VSTM4: variants seen among roughly 807,000 people sequenced by gnomAD.
VSTM4 encodes the protein V-set and transmembrane domain containing 4.
Under a neutral mutation model 36.4 loss-of-function variants are expected in VSTM4, and 20 were observed. That is an observed-to-expected ratio of 0.55 (90% CI 0.39 to 0.80). The LOEUF (loss-of-function observed/expected upper bound fraction) is 0.80, where lower values mean the gene tolerates loss of function less well. Ranked by LOEUF, VSTM4 falls within the 30% of genes least tolerant of loss-of-function variation. The pLI is 0.00. For synonymous variants in VSTM4, 182 were observed against 173.9 expected, an observed-to-expected ratio of 1.05 and a Z score of -0.37; for missense variants, 392 against 404.5, an observed-to-expected ratio of 0.97 and a Z score of 0.26.
At chr10:49,051,252 G>A (rs933980261) in intron 5 of VSTM4, among the ~76,000 whole-genome samples, 2 of 151,972 alleles carry the variant, frequency 1.3e-5, no homozygotes, top group Admixed American at 6.6e-5. Flanking sequence ...ATCTTTTAAC[G>A]TCTCCACAGT....
chr10:49,054,841 T>G (rs1236263437), intron 5 of VSTM4, among the ~76,000 whole-genome samples: 1 of 152,074 alleles, frequency 6.6e-6, no homozygotes, highest in East Asian at 1.9e-4. Context: ...TAATATAGTC[T>G]CTCTCTGGGA....
In VSTM4 at chr10:49,016,645, A is replaced by G. The variant is rs1451953053; in HGVS notation, c.*3005T>C. ...CCACATTATCATACACTAAAAATAT[A>G]TTTTCTAAATGCCCCATGTTGTCTT... On this transcript the variant is annotated 3_prime_UTR_variant, in exon 8 of 8. Transcript: ENST00000332853. The G allele has an allele frequency of 6.6e-6, 1 of 152,144 alleles. No individual in the cohort carries two copies. The highest frequency in any genetic ancestry group is 1.5e-5 in the Non-Finnish European group (1 of 68,034). 9.4% of individuals were successfully genotyped at this position (152,144 alleles called of 1,614,324 possible).
intron 2 of VSTM4, among the ~76,000 whole-genome samples, chr10:49,102,012 TA>T (rs1564595407): frequency 6.6e-6 from 1 of 152,134 alleles, no homozygotes; most frequent in African/African-American, 2.4e-5. Context: ...TGAATGTCAA[TA>T]GGAAAGAGAT....
chr10:49,061,143 C>A (rs2131974287), intron 5 of VSTM4, among the ~76,000 whole-genome samples: 1 of 152,236 alleles, frequency 6.6e-6, no homozygotes, highest in East Asian at 1.9e-4. Context: ...AATCTAGAAT[C>A]AGTGTGTCAC....
chr10:49,050,324 A>C (rs1360593316), intron 5 of VSTM4, among the ~76,000 whole-genome samples: 2 of 152,254 alleles, frequency 1.3e-5, no homozygotes, highest in African/African-American at 2.4e-5. Flanking sequence ...GGGGGTGCTA[A>C]GGAACTAAAC....
intron 1 of VSTM4, among the ~76,000 whole-genome samples, chr10:49,113,728 A>G (rs1412189429): frequency 1.3e-5 from 2 of 152,202 alleles, no homozygotes; most frequent in Non-Finnish European, 2.9e-5. Flanking sequence ...GAGGCAGAAA[A>G]GTACAGCAGT....
chr10:49,069,831 G>T (rs906623153), intron 4 of VSTM4, among the ~76,000 whole-genome samples: 2 of 152,130 alleles, frequency 1.3e-5, no homozygotes, highest in Admixed American at 1.3e-4. Flanking sequence ...TCTGTCCAGG[G>T]TCCCATAGTC....
At chr10:49,057,263 T>C (rs1216982846) in intron 5 of VSTM4, among the ~76,000 whole-genome samples, 1 of 152,144 alleles carries the variant, frequency 6.6e-6, no homozygotes, top group African/African-American at 2.4e-5. Flanking sequence ...GGGCTAGTCA[T>C]TGGTCTAATC....
intron 1 of VSTM4, among the ~76,000 whole-genome samples, chr10:49,115,159 G>T (rs1844970084): frequency 6.6e-6 from 1 of 152,166 alleles, no homozygotes; most frequent in Non-Finnish European, 1.5e-5. Flanking sequence ...CCGCTGGGAA[G>T]ATCTCGGCTG....
At chr10:49,069,752 G>A (rs1417841325) in intron 4 of VSTM4, among the ~76,000 whole-genome samples, 1 of 152,104 alleles carries the variant, frequency 6.6e-6, no homozygotes, top group African/African-American at 2.4e-5. Flanking sequence ...TCCACCTCCT[G>A]CCCCTTTGGC....
intron 2 of VSTM4, among the ~76,000 whole-genome samples, chr10:49,100,658 A>G (rs1844650683): frequency 2.6e-5 from 4 of 152,182 alleles, no homozygotes; most frequent in Non-Finnish European, 5.9e-5. Context: ...AAAGATGTCT[A>G]AGATGAATAT....
At chr10:49,064,512 T>TG in intron 5 of VSTM4, 191 bp downstream of exon 5, 1 of 645,182 alleles carries the variant, frequency 1.5e-6, no homozygotes, top group Non-Finnish European at 2.6e-6. Flanking sequence ...TCTGGATCCC[T>TG]GGGGGTGAAA....
chr10:49,069,666 A>T (rs1254535914), intron 4 of VSTM4, among the ~76,000 whole-genome samples: 1 of 152,188 alleles, frequency 6.6e-6, no homozygotes, highest in Non-Finnish European at 1.5e-5. Flanking sequence ...TCCTGCCTGG[A>T]CAACCTTCCA....
chr10:49,061,696 C>T (rs545639105), intron 5 of VSTM4, among the ~76,000 whole-genome samples: 5 of 152,256 alleles, frequency 3.3e-5, no homozygotes, highest in African/African-American at 9.6e-5. Context: ...TACATCCACA[C>T]CTGATTTATT....
intron 7 of VSTM4, among the ~76,000 whole-genome samples, chr10:49,039,605 C>A (rs1307484812): frequency 2.0e-5 from 3 of 152,018 alleles, no homozygotes; most frequent in Non-Finnish European, 4.4e-5. Context: ...TACCCTAGGG[C>A]TTCATTATGG....
chr10:49,065,289 T>C (rs1843953219), intron 4 of VSTM4, among the ~76,000 whole-genome samples: 1 of 152,214 alleles, frequency 6.6e-6, no homozygotes, highest in South Asian at 2.1e-4. Flanking sequence ...GTGTCCACTC[T>C]GAGGTTCACA....
chr10:49,054,277 T>A (rs1365044911), intron 5 of VSTM4, among the ~76,000 whole-genome samples: 1 of 152,174 alleles, frequency 6.6e-6, no homozygotes, highest in African/African-American at 2.4e-5. Context: ...GTTTAAACCA[T>A]CTCCCTGAAG....
At chr10:49,030,966 A>G (rs1843337200) in intron 7 of VSTM4, among the ~76,000 whole-genome samples, 1 of 152,226 alleles carries the variant, frequency 6.6e-6, no homozygotes, top group African/African-American at 2.4e-5. Flanking sequence ...CAACTGCTCC[A>G]TGGTCTAACA....
chr10:49,040,308 A>T (rs568943770), intron 7 of VSTM4, among the ~76,000 whole-genome samples: 2 of 152,286 alleles, frequency 1.3e-5, no homozygotes, highest in Non-Finnish European at 2.9e-5. Flanking sequence ...TTTGAGACAC[A>T]GTCTCACTCT....
Sources: allele counts gnomAD v4.1 joint callset (sites outside exome capture counted in the v4.1 genomes callset), GRCh38; gene constraint gnomAD v4.1.1; transcripts MANE v1.5; gene names NCBI Gene and HGNC (gene_info 2026-07-23, HGNC 2026-07-21).